The following KCNU1 variants were observed in gnomAD, a reference collection of about 807,000 sequenced individuals.
The protein encoded by KCNU1 is potassium channel subfamily U member 1.
KCNU1 carries 93 observed loss-of-function variants against 126.8 expected under a neutral mutation model. The observed-to-expected ratio is 0.73, with a 90% confidence interval of 0.62 to 0.87. The LOEUF (loss-of-function observed/expected upper bound fraction) is 0.87, where lower values mean the gene tolerates loss of function less well. Ranked by LOEUF, KCNU1 falls within the 40% of genes least tolerant of loss-of-function variation. The pLI is 0.00. For missense variants in KCNU1, 1,330 were observed against 1,367.1 expected, an observed-to-expected ratio of 0.97 and a Z score of 0.43; for synonymous variants, 523 against 494.2, an observed-to-expected ratio of 1.06 and a Z score of -0.77.
At chr8:36,869,700 T>C (rs1045403550) in intron 19 of KCNU1, among the ~76,000 whole-genome samples, 1 of 152,146 alleles carries the variant, frequency 6.6e-6, no homozygotes, top group East Asian at 1.9e-4. Context: ...AATTGAAATG[T>C]TGTGAGGATT....
intron 11 of KCNU1, 75 bp from the exon 12 acceptor site, chr8:36,834,711 A>C: frequency 2.2e-6 from 2 of 896,206 alleles, no homozygotes; most frequent in African/African-American, 3.4e-5. Context: ...AAATTGTTAG[A>C]AAACCCGAAA....
intron 18 of KCNU1, among the ~76,000 whole-genome samples, chr8:36,848,876 A>G (rs1248876109): frequency 6.6e-6 from 1 of 152,010 alleles, no homozygotes; most frequent in African/African-American, 2.4e-5. Flanking sequence ...CACTGTATAT[A>G]TGTGTGGGGG....
chr8:36,814,132 A>C (rs1190977388), intron 7 of KCNU1, 75 bp from the exon 8 acceptor site: 16 of 1,093,738 alleles, frequency 1.5e-5, no homozygotes, highest in Middle Eastern at 2.2e-4. Flanking sequence ...AATTAATCTA[A>C]TGTTTTGCCT....
chr8:36,879,462 T>C (rs914423796), intron 19 of KCNU1, among the ~76,000 whole-genome samples: 4 of 151,988 alleles, frequency 2.6e-5, no homozygotes, highest in Non-Finnish European at 5.9e-5. Context: ...TTGAATAAAT[T>C]AATGCAGAGC....
intron 10 of KCNU1, among the ~76,000 whole-genome samples, chr8:36,821,744 G>A (rs1043839344): frequency 2.0e-5 from 3 of 151,956 alleles, no homozygotes; most frequent in Non-Finnish European, 2.9e-5. Flanking sequence ...ACTTTATGAT[G>A]GTGCAAAAGT....
intron 19 of KCNU1, among the ~76,000 whole-genome samples, chr8:36,890,641 A>T (rs997162168): frequency 2.6e-5 from 4 of 152,046 alleles, no homozygotes; most frequent in Non-Finnish European, 4.4e-5. Context: ...GTAGACATTA[A>T]TCCAACCATA....
intron 19 of KCNU1, among the ~76,000 whole-genome samples, chr8:36,897,286 C>A (rs1585530126): frequency 6.6e-6 from 1 of 151,850 alleles, no homozygotes; most frequent in South Asian, 2.1e-4. Context: ...TAGAAAAATT[C>A]CCATAAAATT....
At chr8:36,833,152 ATATT>A (rs1363529066) in intron 10 of KCNU1, among the ~76,000 whole-genome samples, 2 of 152,164 alleles carry the variant, frequency 1.3e-5, no homozygotes, top group Admixed American at 6.5e-5. Flanking sequence ...GAATTTATAA[ATATT>A]AAACATGTGT....
intron 25 of KCNU1, 102 bp downstream of exon 25, chr8:36,931,247 G>T: frequency 1.6e-6 from 1 of 619,324 alleles, no homozygotes. Flanking sequence ...CCATAGCACA[G>T]AAATGATAAC....
intron 7 of KCNU1, among the ~76,000 whole-genome samples, chr8:36,811,988 C>T (rs899695707): frequency 2.0e-5 from 3 of 152,058 alleles, no homozygotes; most frequent in South Asian, 2.1e-4. Flanking sequence ...CACTTGAATC[C>T]GAGAGGCAGA....
rs1395139882 is a variant in KCNU1 at position 36,935,636 on chromosome 8, T to C, written c.3166T>C (p.Tyr1056His). 2 of 1,613,496 alleles carry C rather than the reference T, an allele frequency of 1.2e-6. No homozygotes were observed. The highest frequency in any genetic ancestry group is 1.7e-6 in the Non-Finnish European group (2 of 1,179,566). ...TGAAGAGTTCTCATTGCAAAAGTCA[T>C]ATGAAATTGTAAATAAAGCATCACA... Reference protein sequence around the residue: ...RNEEFSLQKSYEIVNKASQTT... With the variant: ...RNEEFSLQKSHEIVNKASQTT... Residue 1056 changes from tyrosine to histidine, a missense_variant, in exon 27 of 27, where the codon TAT becomes CAT. Coordinates refer to ENST00000399881, the MANE Select transcript of KCNU1 (RefSeq NM_001031836.3).
intron 24 of KCNU1, among the ~76,000 whole-genome samples, chr8:36,927,671 C>T (rs1388507196): frequency 2.6e-5 from 4 of 152,066 alleles, no homozygotes. Context: ...CAGCATTTGG[C>T]TAGGATGTTA....
At chr8:36,882,435 C>T (rs182427583) in intron 19 of KCNU1, among the ~76,000 whole-genome samples, 1 of 152,152 alleles carries the variant, frequency 6.6e-6, no homozygotes, top group Non-Finnish European at 1.5e-5. Context: ...GTATGCAGAG[C>T]TAGAATTTCT....
At chr8:36,912,489 G>A (rs1266475125) in intron 22 of KCNU1, among the ~76,000 whole-genome samples, 1 of 152,058 alleles carries the variant, frequency 6.6e-6, no homozygotes, top group African/African-American at 2.4e-5. Context: ...ACTTAGGAGG[G>A]GTGAGCCCTA....
At chr8:36,925,933 C>A (rs1218207310) in intron 24 of KCNU1, among the ~76,000 whole-genome samples, 1 of 152,108 alleles carries the variant, frequency 6.6e-6, no homozygotes, top group African/African-American at 2.4e-5. Context: ...GGAGCTATGA[C>A]CCCTACAGAC....
At chr8:36,791,814 A>G (rs1034634045) in intron 2 of KCNU1, among the ~76,000 whole-genome samples, 2 of 152,156 alleles carry the variant, frequency 1.3e-5, no homozygotes, top group African/African-American at 2.4e-5. Context: ...TTCATATTTT[A>G]TATGCATTGT....
rs1273342028 is a variant in KCNU1 at position 36,806,375 on chromosome 8, G to A, written c.575G>A (p.Trp192Ter). 9.6e-6 allele frequency: 15 copies of A among 1,566,712 alleles called. No homozygotes were observed. The highest frequency in any genetic ancestry group is 1.2e-5 in the Non-Finnish European group (14 of 1,140,790). ...ATTTCTTATTATTTGAAGAGCAATTGGCTAGGTAAGTGTGCTCTGGGAACG... is the reference window on the plus strand; with the variant it reads ...ATTTCTTATTATTTGAAGAGCAATTAGCTAGGTAAGTGTGCTCTGGGAACG... Reference protein sequence around the residue: ...TFISYYLKSNWLGLRFLRALR... With the variant: ...TFISYYLKSN The change falls in exon 5 of 27, where the codon TGG (tryptophan) becomes TAG (stop). Residue 192 changes from tryptophan (W) to a stop codon, truncating the protein, a stop_gained. Coordinates refer to ENST00000399881, the MANE Select transcript of KCNU1 (RefSeq NM_001031836.3). LOFTEE classifies it high-confidence loss of function.
At chr8:36,834,747 T>C in intron 11 of KCNU1, 39 bp from the exon 12 acceptor site, 1 of 1,333,704 alleles carries the variant, frequency 7.5e-7, no homozygotes, top group Non-Finnish European at 1.1e-6. Flanking sequence ...ATTTCCCATG[T>C]AATTAACAAG....
chr8:36,792,070 T>A (rs949346507), intron 2 of KCNU1, among the ~76,000 whole-genome samples: 1 of 152,240 alleles, frequency 6.6e-6, no homozygotes, highest in Non-Finnish European at 1.5e-5. Flanking sequence ...TATGTTTTTT[T>A]CTACACTGAT....
Sources: allele counts gnomAD v4.1 joint callset (sites outside exome capture counted in the v4.1 genomes callset), GRCh38; gene constraint gnomAD v4.1.1; transcripts MANE v1.5; gene names NCBI Gene and HGNC (gene_info 2026-07-23, HGNC 2026-07-21).